Variants in KIFAP3 observed in about 807,000 individuals in gnomAD.
KIFAP3 encodes the protein kinesin associated protein 3.
In KIFAP3, 68 loss-of-function variants were observed where a neutral mutation model predicts 106.5. That is an observed-to-expected ratio of 0.64 (90% CI 0.53 to 0.78). The LOEUF (loss-of-function observed/expected upper bound fraction) is 0.78, where lower values mean the gene tolerates loss of function less well. Ranked by LOEUF, KIFAP3 falls within the 30% of genes least tolerant of loss-of-function variation. The pLI is 0.00. For missense variants in KIFAP3, 780 were observed against 941.8 expected (o/e 0.83, Z 2.25); for synonymous variants, 320 against 311.5 (o/e 1.03, Z -0.29).
At chr1:169,932,250 A>C (rs1210413061) in intron 19 of KIFAP3, among the ~76,000 whole-genome samples, 1 of 152,140 alleles carries the variant, frequency 6.6e-6, no homozygotes, top group Non-Finnish European at 1.5e-5. Flanking sequence ...ACAGAGAGGA[A>C]AGTTCTTGTT....
At chr1:169,991,941 A>T (rs1667126911) in intron 11 of KIFAP3, among the ~76,000 whole-genome samples, 1 of 152,052 alleles carries the variant, frequency 6.6e-6, no homozygotes, top group African/African-American at 2.4e-5. Flanking sequence ...AGAGAAGTGT[A>T]CCAAAGTGTT....
At chr1:170,056,863 G>A (rs1670876925) in intron 1 of KIFAP3, among the ~76,000 whole-genome samples, 1 of 151,918 alleles carries the variant, frequency 6.6e-6, no homozygotes, top group Non-Finnish European at 1.5e-5. Flanking sequence ...GACAAGTAAA[G>A]AATGAAAACA....
intron 1 of KIFAP3, among the ~76,000 whole-genome samples, chr1:170,056,250 T>A (rs116201224): frequency 0.012 from 1,871 of 152,190 alleles, 20 homozygotes; most frequent in Non-Finnish European, 0.017. Context: ...CTAAATAAAA[T>A]CACTGAATCA....
At chr1:170,049,681 A>C (rs1053736844) in intron 2 of KIFAP3, among the ~76,000 whole-genome samples, 11 of 152,194 alleles carry the variant, frequency 7.2e-5, no homozygotes, top group Non-Finnish European at 1.3e-4. Context: ...TCCACTGGTA[A>C]TACCCAGGAG....
intron 9 of KIFAP3, among the ~76,000 whole-genome samples, chr1:170,021,333 A>G (rs752009206): frequency 2.6e-5 from 4 of 151,678 alleles, no homozygotes; most frequent in African/African-American, 4.8e-5. Flanking sequence ...GTTGCTAATT[A>G]TATCAGGTAG....
intron 17 of KIFAP3, among the ~76,000 whole-genome samples, chr1:169,966,348 C>G (rs1016762055): frequency 1.1e-4 from 16 of 151,286 alleles, no homozygotes; most frequent in Non-Finnish European, 2.4e-4. Context: ...AACAATGATT[C>G]CAGAATCCTA....
At chr1:170,074,700 C>G, upstream of KIFAP3, 8 of 1,403,760 alleles carry the variant, frequency 5.7e-6, no homozygotes, top group Non-Finnish European at 6.5e-6. Context: ...TCGCCTAAGC[C>G]GGGCCGTCAC....
At chr1:169,970,625 G>A (rs1260431931) in intron 17 of KIFAP3, among the ~76,000 whole-genome samples, 2 of 151,840 alleles carry the variant, frequency 1.3e-5, no homozygotes, top group African/African-American at 4.8e-5. Context: ...TATTATTATA[G>A]AATACAGTCA....
At chr1:170,014,271 C>G (rs905565779) in intron 10 of KIFAP3, among the ~76,000 whole-genome samples, 3 of 152,200 alleles carry the variant, frequency 2.0e-5, no homozygotes, top group Non-Finnish European at 4.4e-5. Flanking sequence ...GTACAAACTT[C>G]TTAGCAATGC....
chr1:170,016,103 A>T (rs1226970215), intron 10 of KIFAP3, among the ~76,000 whole-genome samples: 1 of 152,188 alleles, frequency 6.6e-6, no homozygotes, highest in African/African-American at 2.4e-5. Flanking sequence ...TTTTGAAAGT[A>T]TAGCAGAATA....
intron 16 of KIFAP3, among the ~76,000 whole-genome samples, chr1:169,977,439 G>A (rs1052691482): frequency 6.6e-6 from 1 of 152,128 alleles, no homozygotes; most frequent in Admixed American, 6.5e-5. Context: ...ATTCTACAAG[G>A]TAGGAGGTCT....
chr1:169,922,175 T>C (rs550411795), intron 19 of KIFAP3, among the ~76,000 whole-genome samples: 1 of 152,336 alleles, frequency 6.6e-6, no homozygotes, highest in East Asian at 1.9e-4. Flanking sequence ...AAGTGAGTTT[T>C]GCTGTTTATA....
rs143805242 is a variant in KIFAP3, at chr1:170,002,443, G to C, written c.1184-10188C>G. On this transcript the variant is annotated intron_variant, in intron 10 of 19. Coordinates refer to ENST00000361580, the MANE Select transcript of KIFAP3 (RefSeq NM_014970.4). ...TTTGAAATTATTCACATAAAATTGT[G>C]AAACAGGCCTGATGTGCTATTGAAT... Among the ~76,000 whole-genome samples, 262 of 152,242 alleles carry C rather than the reference G, an allele frequency of 1.7e-3. 1 individual carries two copies. The highest frequency in any genetic ancestry group is 6.1e-3 in the African/African-American group (255 of 41,558).
intron 17 of KIFAP3, among the ~76,000 whole-genome samples, chr1:169,961,549 A>G (rs1436096742): frequency 6.6e-6 from 1 of 152,104 alleles, no homozygotes; most frequent in African/African-American, 2.4e-5. Context: ...GTTTCCAAAG[A>G]GTTCTTGTGA....
chr1:169,960,487 G>A (rs1479647873), intron 18 of KIFAP3, among the ~76,000 whole-genome samples: 1 of 151,886 alleles, frequency 6.6e-6, no homozygotes, highest in African/African-American at 2.4e-5. Context: ...GAATCAAAAA[G>A]GTTATAATAC....
chr1:169,945,254 C>T (rs373399020), intron 19 of KIFAP3, among the ~76,000 whole-genome samples: 20 of 152,286 alleles, frequency 1.3e-4, no homozygotes, highest in African/African-American at 2.6e-4. Flanking sequence ...GAGCAGGCAC[C>T]GGCAACAGGG....
At chr1:170,041,652 C>A in intron 3 of KIFAP3, 2 of 1,520,934 alleles carry the variant, frequency 1.3e-6, no homozygotes, top group Non-Finnish European at 1.8e-6. Flanking sequence ...TCTGGTGCCT[C>A]CCTTGCCAGC....
intron 11 of KIFAP3, among the ~76,000 whole-genome samples, chr1:169,990,620 A>C (rs1667046171): frequency 6.6e-6 from 1 of 152,126 alleles, no homozygotes; most frequent in Admixed American, 6.6e-5. Context: ...AAGGTAGTTT[A>C]ATAAAGAGTA....
chr1:170,006,260 T>C (rs1487148460), intron 10 of KIFAP3, among the ~76,000 whole-genome samples: 1 of 152,150 alleles, frequency 6.6e-6, no homozygotes, highest in Non-Finnish European at 1.5e-5. Context: ...TTTCATGCAT[T>C]CATCCCTCTA....
Sources: gnomAD v4.1 joint callset for allele counts (sites outside exome capture counted in the v4.1 genomes callset) on GRCh38, gnomAD v4.1.1 for gene constraint, MANE v1.5 for transcripts, NCBI Gene and HGNC (gene_info 2026-07-23, HGNC 2026-07-21) for gene names.